SEC14L2: variants seen among roughly 807,000 people sequenced by gnomAD.
SEC14L2 encodes the protein SEC14 like lipid binding 2, also known as SEC14-like protein 2.
SEC14L2 carries 50 observed loss-of-function variants against 56.9 expected under a neutral mutation model. The ratio of observed to expected loss-of-function variants is 0.88; its 90% CI spans 0.70 to 1.11. The LOEUF (loss-of-function observed/expected upper bound fraction) is 1.11, where lower values mean the gene tolerates loss of function less well. Among genes scored for constraint, SEC14L2 ranks in the 50% most tolerant of loss-of-function variants. SEC14L2 has a pLI of 0.00. For missense variants in SEC14L2, 414 were observed against 500.7 expected (o/e 0.83, Z 1.65); for synonymous variants, 179 against 188.5 (o/e 0.95, Z 0.41).
In SEC14L2 at chr22:30,397,157, A is replaced by C. The variant is rs985994359; in HGVS notation, c.41A>C (p.Glu14Ala). The C allele has an allele frequency of 6.5e-7, 1 of 1,544,070 alleles. No individual in the cohort carries two copies. The highest frequency in any genetic ancestry group is 8.7e-7 in the Non-Finnish European group (1 of 1,144,172). Reference sequence around the variant, plus strand: ...GGCGATCTGAGCCCCAGGCAGAAGGAGGCATTGGCCAAGGTGAGCTGTAGC... The same window carrying C: ...GGCGATCTGAGCCCCAGGCAGAAGGCGGCATTGGCCAAGGTGAGCTGTAGC... ...RVGDLSPRQK[E>A]ALAKFRENVQ... The change falls in exon 1 of 12, where the codon GAG becomes GCG. Residue 14 changes from glutamate to alanine, a missense_variant. Physicochemically the swap from Glu to Ala is moderately radical, Grantham distance 107. Transcript: ENST00000615189.
intron 8 of SEC14L2, among the ~76,000 whole-genome samples, chr22:30,414,281 C>G (rs1452646361): frequency 6.6e-6 from 1 of 152,172 alleles, no homozygotes; most frequent in East Asian, 1.9e-4. Flanking sequence ...GCTGCTACCA[C>G]CCACCATGGG....
Position 30,425,086 on chromosome 22 carries a change from G to A in SEC14L2, c.*2679G>A. The A allele has an allele frequency of 3.9e-6, 1 of 257,334 alleles. No homozygotes were observed. Among genetic ancestry groups the A allele is most frequent in the Non-Finnish European group, 7.9e-6 (1 of 126,694 alleles). The allele number at this position is 257,334 out of a possible 1,614,324, so 15.9% of individuals were successfully genotyped here. A position where few individuals can be genotyped will look rare whatever the true frequency, so the allele number is the denominator to read the frequency against. On this transcript the variant is annotated 3_prime_UTR_variant, in exon 12 of 12. Coordinates refer to ENST00000615189, the MANE Select transcript of SEC14L2 (RefSeq NM_012429.5). Reference sequence around the variant, plus strand: ...CATTTAGAGCTCGCATTAAGAGCACGGGATCTGGATCCACACTGTTTGGAT... The same window carrying A: ...CATTTAGAGCTCGCATTAAGAGCACAGGATCTGGATCCACACTGTTTGGAT...
chr22:30,406,361 G>C lies in SEC14L2; in HGVS notation c.150G>C (p.Gln50His). Residue 50 changes from glutamine (Q) to histidine (H), a missense_variant, in exon 3 of 12, where the codon CAG (glutamine) becomes CAC (histidine). Gln to His is a conservative substitution (Grantham distance 24, BLOSUM62 0). Transcript: ENST00000615189. ...RWLRARSFDL[Q>H]KSEAMLRKHV... ...TTACAGCCAGAAGCTTCGACCTGCA[G>C]AAGTCGGAGGCCATGCTCCGGAAGG... 1 of 1,614,092 alleles carries C rather than the reference G, an allele frequency of 6.2e-7. No individual in the cohort carries two copies. The highest frequency in any genetic ancestry group is 8.5e-7 in the Non-Finnish European group (1 of 1,179,988).
intron 3 of SEC14L2, 27 bp from the exon 4 acceptor site, chr22:30,407,067 TA>T (rs1367476502): frequency 6.2e-7 from 1 of 1,612,302 alleles, no homozygotes; most frequent in Non-Finnish European, 8.5e-7. Context: ...TCCCTCCTTT[TA>T]AAAATTTCCC....
Position 30,424,026 on chromosome 22 carries a change from C to G in SEC14L2, c.*1619C>G, listed in dbSNP as rs1173309902. ...CAAGGGGCCACGCCCAGCTTGCCTT[C>G]TGATTGGTCCAGCTGGTGGGTTGTC... On this transcript the variant is annotated 3_prime_UTR_variant, in exon 12 of 12. Transcript: ENST00000615189. The G allele has an allele frequency of 6.6e-6, 1 of 152,354 alleles. No homozygotes were observed. The highest frequency in any genetic ancestry group is 2.4e-5 in the African/African-American group (1 of 41,468). 9.4% of individuals were successfully genotyped at this position (152,354 alleles called of 1,614,324 possible).
chr22:30,416,467 C>G, intron 11 of SEC14L2, 64 bp downstream of exon 11: 1 of 1,613,184 alleles, frequency 6.2e-7, no homozygotes, highest in South Asian at 1.1e-5. Flanking sequence ...TGTGAGGTTC[C>G]TCTTCCTCCA....
chr22:30,401,909 A>G (rs904800520), intron 2 of SEC14L2, among the ~76,000 whole-genome samples: 1 of 152,024 alleles, frequency 6.6e-6, no homozygotes, highest in East Asian at 1.9e-4. Flanking sequence ...TTCTTTATGG[A>G]CACATAAAGA....
chr22:30,417,846 T>C (rs985463604), intron 11 of SEC14L2, among the ~76,000 whole-genome samples: 1 of 152,030 alleles, frequency 6.6e-6, no homozygotes, highest in African/African-American at 2.4e-5. Flanking sequence ...CCTGAGATTT[T>C]GCCTCCTTCC....
intron 5 of SEC14L2, 108 bp downstream of exon 5, chr22:30,407,711 GC>G (rs1224448606): frequency 7.0e-6 from 6 of 858,254 alleles, no homozygotes; most frequent in East Asian, 3.2e-5. Context: ...CCAAGGCCCA[GC>G]CTTTTTTTTT....
At chr22:30,411,449 A>G (rs1230172893) in intron 8 of SEC14L2, among the ~76,000 whole-genome samples, 1 of 152,024 alleles carries the variant, frequency 6.6e-6, no homozygotes, top group Non-Finnish European at 1.5e-5. Flanking sequence ...ACAAAGATGA[A>G]TAAGACAGAG....
In SEC14L2 at chr22:30,422,411, C is replaced by A; in HGVS notation, c.*4C>A. The stretch of plus-strand genomic sequence containing the variant: ...GGGGGCAGGCACCCCGAAATAACAC[C>A]TTCTCCTATAGCAGGCCTGGCCCCC... On this transcript the variant is annotated 3_prime_UTR_variant, in exon 12 of 12. Coordinates refer to ENST00000615189, the MANE Select transcript of SEC14L2 (RefSeq NM_012429.5). The A allele has an allele frequency of 6.2e-7, 1 of 1,614,154 alleles. No homozygotes were observed. Among genetic ancestry groups the A allele is most frequent in the Non-Finnish European group, 8.5e-7 (1 of 1,180,008 alleles).
chr22:30,400,456 G>A (rs1471703296), intron 2 of SEC14L2: 1 of 152,158 alleles, frequency 6.6e-6, no homozygotes, highest in Non-Finnish European at 1.5e-5. Context: ...ATTCAGCCTG[G>A]TGCCCCAATC....
intron 2 of SEC14L2, among the ~76,000 whole-genome samples, chr22:30,401,058 T>C (rs1933917231): frequency 6.7e-6 from 1 of 149,782 alleles, no homozygotes; most frequent in Non-Finnish European, 1.5e-5. Context: ...TATCCTAAAA[T>C]ATTAAAGTAC....
chr22:30,413,266 C>G (rs1934301374), intron 8 of SEC14L2, among the ~76,000 whole-genome samples: 2 of 152,112 alleles, frequency 1.3e-5, no homozygotes, highest in African/African-American at 4.8e-5. Context: ...AGAAGCAAGT[C>G]AACAGGGAAT....
intron 8 of SEC14L2, among the ~76,000 whole-genome samples, chr22:30,411,611 T>G (rs983014982): frequency 3.3e-5 from 5 of 151,750 alleles, no homozygotes; most frequent in Non-Finnish European, 7.4e-5. Context: ...CCAGGCGTCG[T>G]GGTGTGCACC....
chr22:30,404,004 C>T (rs1446174702), intron 2 of SEC14L2, among the ~76,000 whole-genome samples: 4 of 110,452 alleles, frequency 3.6e-5, no homozygotes, highest in Non-Finnish European at 7.1e-5. Context: ...AGCGAGACTC[C>T]GTCTCAAAAA....
chr22:30,407,668 A>T, intron 5 of SEC14L2, 65 bp downstream of exon 5: 7 of 1,369,788 alleles, frequency 5.1e-6, no homozygotes, highest in Non-Finnish European at 6.1e-6. Flanking sequence ...AGAAGCAGGG[A>T]TGTCACACAG....
chr22:30,407,254 G>A, intron 4 of SEC14L2, 100 bp downstream of exon 4: 3 of 1,497,058 alleles, frequency 2.0e-6, no homozygotes, highest in Non-Finnish European at 2.8e-6. Flanking sequence ...GGAAAGGTCT[G>A]ACAATGCCCA....
intron 11 of SEC14L2, among the ~76,000 whole-genome samples, chr22:30,417,680 G>C (rs1394534506): frequency 6.6e-6 from 1 of 152,192 alleles, no homozygotes; most frequent in Non-Finnish European, 1.5e-5. Flanking sequence ...ATTATTGTTA[G>C]GACAAGGCCT....
Sources: allele counts gnomAD v4.1 joint callset (sites outside exome capture counted in the v4.1 genomes callset), GRCh38; gene constraint gnomAD v4.1.1; transcripts MANE v1.5; gene names NCBI Gene and HGNC (gene_info 2026-07-23, HGNC 2026-07-21).